The following GRM7 variants were observed in gnomAD, a reference collection of about 807,000 sequenced individuals.
GRM7 encodes the protein glutamate metabotropic receptor 7, also known as metabotropic glutamate receptor 7.
GRM7 carries 35 observed loss-of-function variants against 84.5 expected under a neutral mutation model. The observed-to-expected ratio is 0.41, with a 90% CI of 0.32 to 0.55. GRM7 has a LOEUF of 0.55. GRM7 is among the 20% of genes least tolerant of loss of function. The pLI, the probability that GRM7 is intolerant of heterozygous loss-of-function variation, is 0.19. For missense variants in GRM7, 1,003 were observed against 1,194.6 expected, an observed-to-expected ratio of 0.84 and a Z score of 2.36; for synonymous variants, 487 against 455.1, an observed-to-expected ratio of 1.07 and a Z score of -0.89.
At chr3:7,317,166 C>A (rs547556682) in intron 4 of GRM7, among the ~76,000 whole-genome samples, 1 of 152,012 alleles carries the variant, frequency 6.6e-6, no homozygotes, top group Admixed American at 6.6e-5. Context: ...AGACTTATTG[C>A]GTCTGAGTGA....
At chr3:7,172,757 C>T (rs997320730) in intron 2 of GRM7, among the ~76,000 whole-genome samples, 4 of 151,962 alleles carry the variant, frequency 2.6e-5, no homozygotes, top group African/African-American at 7.3e-5. Flanking sequence ...CCAGTGGTCC[C>T]ATGAAACTGA....
intron 4 of GRM7, among the ~76,000 whole-genome samples, chr3:7,375,944 T>C (rs1042150317): frequency 6.6e-6 from 1 of 152,110 alleles, no homozygotes; most frequent in Non-Finnish European, 1.5e-5. Context: ...TAGACCAACA[T>C]CTCCCTGAGA....
intron 1 of GRM7, among the ~76,000 whole-genome samples, chr3:7,104,241 T>G (rs1256083421): frequency 6.6e-6 from 1 of 151,674 alleles, no homozygotes; most frequent in African/African-American, 2.4e-5. Context: ...TTTCTTTTCT[T>G]TTCTGTTCTG....
At chr3:7,604,747 C>T (rs1696481066) in intron 8 of GRM7, among the ~76,000 whole-genome samples, 1 of 152,088 alleles carries the variant, frequency 6.6e-6, no homozygotes, top group Admixed American at 6.6e-5. Flanking sequence ...ACATTGAAAC[C>T]ATACAAATAC....
chr3:7,402,014 C>T (rs1366443774), intron 4 of GRM7, among the ~76,000 whole-genome samples: 1 of 152,102 alleles, frequency 6.6e-6, no homozygotes, highest in African/African-American at 2.4e-5. Context: ...GGTACTTGAA[C>T]ATTGTTAAAA....
At chr3:7,535,289 A>AAAAAAAG (rs779300265) in intron 7 of GRM7, 7 of 152,220 alleles carry the variant, frequency 4.6e-5, no homozygotes, top group Admixed American at 1.3e-4. Flanking sequence ...ATACCTGAAA[A>AAAAAAAG]AAAAAAGAAA....
intron 4 of GRM7, among the ~76,000 whole-genome samples, chr3:7,374,213 A>G (rs1694251051): frequency 6.6e-6 from 1 of 151,122 alleles, no homozygotes; most frequent in Non-Finnish European, 1.5e-5. Flanking sequence ...TAGATACTCT[A>G]TGACTATTAG....
chr3:7,652,415 G>T (rs1285256912), intron 8 of GRM7, among the ~76,000 whole-genome samples: 1 of 152,200 alleles, frequency 6.6e-6, no homozygotes, highest in Admixed American at 6.5e-5. Flanking sequence ...AAGAGCATTT[G>T]TTCAATAAAC....
intron 4 of GRM7, among the ~76,000 whole-genome samples, chr3:7,357,116 C>A (rs1464475205): frequency 1.3e-5 from 2 of 151,434 alleles, no homozygotes; most frequent in Admixed American, 1.3e-4. Flanking sequence ...TCCAAGGAAG[C>A]AAACATAAAT....
intron 2 of GRM7, among the ~76,000 whole-genome samples, chr3:7,156,724 A>C (rs553053553): frequency 3.3e-5 from 5 of 152,310 alleles, no homozygotes; most frequent in Admixed American, 1.3e-4. Context: ...CTTTTGTATC[A>C]TGACCTTGTC....
At chr3:7,718,989 T>A (rs889645474) in intron 9 of GRM7, among the ~76,000 whole-genome samples, 1 of 152,234 alleles carries the variant, frequency 6.6e-6, no homozygotes, top group East Asian at 1.9e-4. Context: ...ATGATTCATA[T>A]TGGAGATTTG....
chr3:7,316,003 A>G (rs1297254446), intron 4 of GRM7, among the ~76,000 whole-genome samples: 1 of 152,168 alleles, frequency 6.6e-6, no homozygotes, highest in Non-Finnish European at 1.5e-5. Context: ...GGAGTGGTCA[A>G]GATACTCTCA....
chr3:7,278,946 G>C (rs1333482345), intron 2 of GRM7, among the ~76,000 whole-genome samples: 1 of 152,130 alleles, frequency 6.6e-6, no homozygotes, highest in Non-Finnish European at 1.5e-5. Context: ...TTATTGCTTT[G>C]TTCTCAAGGG....
chr3:7,264,773 T>C (rs1441756650), intron 2 of GRM7, among the ~76,000 whole-genome samples: 1 of 104,614 alleles, frequency 9.6e-6, no homozygotes, highest in East Asian at 2.9e-4. Context: ...TGGCATCCTC[T>C]CTATGGTATC....
At chr3:6,950,458 A>C (rs949814751) in intron 1 of GRM7, among the ~76,000 whole-genome samples, 1 of 152,128 alleles carries the variant, frequency 6.6e-6, no homozygotes. Flanking sequence ...AGGTGTCAGT[A>C]CGCCCCTACT....
chr3:7,361,202 T>G (rs891262866), intron 4 of GRM7, among the ~76,000 whole-genome samples: 2 of 152,120 alleles, frequency 1.3e-5, no homozygotes, highest in Non-Finnish European at 1.5e-5. Context: ...CCATGTTAGA[T>G]TTACAAACAA....
chr3:7,704,034 T>C (rs1373408080), intron 9 of GRM7, among the ~76,000 whole-genome samples: 6 of 152,210 alleles, frequency 3.9e-5, no homozygotes, highest in African/African-American at 9.6e-5. Context: ...ACTTAATAGA[T>C]TGTCCATTCT....
In GRM7 at chr3:7,298,946, C is replaced by G. The variant is rs540625783; in HGVS notation, c.878+121C>G. 10 of 891,852 alleles carry G rather than the reference C, an allele frequency of 1.1e-5. No individual in the cohort carries two copies. The Admixed American group carries it at 1.7e-4, about 15-fold the overall frequency. The allele number at this position is 891,852 out of a possible 1,614,324, so 55.2% of individuals were successfully genotyped here. On this transcript the variant is annotated intron_variant, in intron 3 of 9. Coordinates refer to ENST00000357716, the MANE Select transcript of GRM7 (RefSeq NM_000844.4). Reference sequence around the variant, plus strand: ...GATCAAAGCTGTAATCATACAGCGGCGAAGTCTGTGCTTGCCTCTACCCAA... The same window carrying G: ...GATCAAAGCTGTAATCATACAGCGGGGAAGTCTGTGCTTGCCTCTACCCAA...
chr3:7,104,904 A>C (rs1032885457), intron 1 of GRM7, among the ~76,000 whole-genome samples: 2 of 151,836 alleles, frequency 1.3e-5, no homozygotes, highest in African/African-American at 4.8e-5. Flanking sequence ...TAATCAATAT[A>C]ATACAATATA....
Sources: allele counts gnomAD v4.1 joint callset (sites outside exome capture counted in the v4.1 genomes callset), GRCh38; gene constraint gnomAD v4.1.1; transcripts MANE v1.5; gene names NCBI Gene and HGNC (gene_info 2026-07-23, HGNC 2026-07-21).